The following PSMA1 variants were observed in gnomAD, a reference collection of about 807,000 sequenced individuals.
PSMA1 encodes the protein proteasome 20S subunit alpha 1.
In PSMA1, 3 loss-of-function variants were observed where a neutral mutation model predicts 38.4. That is an observed-to-expected ratio of 0.08 (90% CI 0.04 to 0.20). PSMA1 has a LOEUF of 0.20. Among genes scored for constraint, PSMA1 ranks in the 10% least tolerant of loss-of-function variants. PSMA1 has a pLI of 1.00. For missense variants in PSMA1, 227 were observed against 325.3 expected (o/e 0.70, Z 2.32); for synonymous variants, 101 against 107.1 (o/e 0.94, Z 0.35).
chr11:14,541,954 T>C (rs1456878519), intron 2 of PSMA1, among the ~76,000 whole-genome samples: 1 of 152,220 alleles, frequency 6.6e-6, no homozygotes, highest in East Asian at 1.9e-4. Flanking sequence ...ATTTCCACTG[T>C]GTAAGATTAG....
chr11:14,574,443 C>T (rs187350235), intron 2 of PSMA1, among the ~76,000 whole-genome samples: 74 of 152,280 alleles, frequency 4.9e-4, no homozygotes, highest in African/African-American at 1.6e-3. Flanking sequence ...TGCAGGTGCA[C>T]ATAGTGCAAG....
intron 2 of PSMA1, among the ~76,000 whole-genome samples, chr11:14,555,343 C>T (rs1851931502): frequency 8.5e-5 from 13 of 152,146 alleles, no homozygotes. Flanking sequence ...CTGACTTCAT[C>T]TTATTTTTTT....
chr11:14,599,218 G>C (rs1416006397), intron 2 of PSMA1, among the ~76,000 whole-genome samples: 1 of 152,128 alleles, frequency 6.6e-6, no homozygotes, highest in African/African-American at 2.4e-5. Context: ...TATGTGCCTT[G>C]GAGTTGCTCT....
upstream of PSMA1, chr11:14,520,515 A>C: frequency 7.1e-7 from 1 of 1,418,296 alleles, no homozygotes; most frequent in East Asian, 2.6e-5. Context: ...GCCTCGGAAG[A>C]TCTAGGAACT....
intron 2 of PSMA1, among the ~76,000 whole-genome samples, chr11:14,548,585 C>A (rs552763557): frequency 1.1e-4 from 16 of 152,268 alleles, no homozygotes; most frequent in Non-Finnish European, 1.9e-4. Flanking sequence ...CAGCTTGAAA[C>A]TGGCCATAGT....
chr11:14,634,687 C>A (rs1468948486), intron 1 of PSMA1, among the ~76,000 whole-genome samples: 1 of 152,022 alleles, frequency 6.6e-6, no homozygotes, highest in East Asian at 1.9e-4. Flanking sequence ...AGTAGTAGCT[C>A]ATGTTTTAGG....
chr11:14,514,540 A>G, intron 4 of PSMA1, 49 bp from the exon 5 acceptor site: 1 of 1,321,372 alleles, frequency 7.6e-7, no homozygotes, highest in Non-Finnish European at 1.0e-6. Flanking sequence ...ATAGACAACT[A>G]TTCCAATCTA....
At chr11:14,602,568 A>C (rs1325799586) in intron 2 of PSMA1, among the ~76,000 whole-genome samples, 1 of 152,080 alleles carries the variant, frequency 6.6e-6, no homozygotes. Flanking sequence ...ATGAAATTTG[A>C]CCTTTTTTTG....
intron 2 of PSMA1, among the ~76,000 whole-genome samples, chr11:14,582,225 TC>T (rs1208731305): frequency 1.3e-5 from 2 of 152,096 alleles, no homozygotes; most frequent in Non-Finnish European, 2.9e-5. Context: ...AGAAAATAAA[TC>T]CCAACAAATT....
In PSMA1 at chr11:14,533,801, G is replaced by A. The variant is rs944613309; in HGVS notation, c.22-14760C>T. Among the ~76,000 whole-genome samples, 5 of 152,112 alleles carry A rather than the reference G, an allele frequency of 3.3e-5. No individual in the cohort carries two copies. The East Asian group carries it at 9.7e-4, about 29-fold the overall frequency. On this transcript the variant is annotated intron_variant, in intron 2 of 10. Coordinates refer to the PSMA1 transcript ENST00000418988. ...AGAGCCTATGGTATTTCTGAGCAGT[G>A]TTTGCTTTTTGCCTTACAAAAATCT...
chr11:14,531,840 T>A (rs943564258), intron 2 of PSMA1, among the ~76,000 whole-genome samples: 1 of 152,196 alleles, frequency 6.6e-6, no homozygotes, highest in African/African-American at 2.4e-5. Flanking sequence ...CCTTCCTCTC[T>A]AGCTCCTGGT....
chr11:14,564,852 C>T (rs1413595220), intron 2 of PSMA1, among the ~76,000 whole-genome samples: 1 of 151,462 alleles, frequency 6.6e-6, no homozygotes, highest in Non-Finnish European at 1.5e-5. Flanking sequence ...AATCACAGCT[C>T]ACTGCAGTTC....
intron 2 of PSMA1, among the ~76,000 whole-genome samples, chr11:14,574,284 T>C (rs779819054): frequency 4.0e-5 from 6 of 151,762 alleles, no homozygotes; most frequent in Non-Finnish European, 8.8e-5. Flanking sequence ...GAGGGAAAAA[T>C]GATTTTGTGG....
intron 2 of PSMA1, among the ~76,000 whole-genome samples, chr11:14,597,977 T>A (rs1852523099): frequency 6.6e-6 from 1 of 152,216 alleles, no homozygotes; most frequent in Admixed American, 6.5e-5. Context: ...TCAAAAAACA[T>A]CTTTATTTTT....
At chr11:14,544,313 C>T (rs929823460) in intron 2 of PSMA1, among the ~76,000 whole-genome samples, 15 of 152,210 alleles carry the variant, frequency 9.9e-5, no homozygotes, top group Admixed American at 3.9e-4. Context: ...GGATTACAGG[C>T]GTGAGCTACC....
At chr11:14,535,986 A>T (rs1851702264) in intron 2 of PSMA1, among the ~76,000 whole-genome samples, 1 of 152,056 alleles carries the variant, frequency 6.6e-6, no homozygotes, top group Non-Finnish European at 1.5e-5. Flanking sequence ...AAGAAACCAA[A>T]TATCTCTTTT....
chr11:14,608,938 T>A (rs1852676742), intron 2 of PSMA1, among the ~76,000 whole-genome samples: 1 of 152,090 alleles, frequency 6.6e-6, no homozygotes, highest in Non-Finnish European at 1.5e-5. Context: ...TTTAAAAAAA[T>A]TAAAGTACAA....
At chr11:14,575,077 G>A (rs549112359) in intron 2 of PSMA1, among the ~76,000 whole-genome samples, 2 of 152,184 alleles carry the variant, frequency 1.3e-5, no homozygotes, top group South Asian at 2.1e-4. Context: ...CCCAGGCTGC[G>A]GTGATCTCAG....
intron 1 of PSMA1, among the ~76,000 whole-genome samples, chr11:14,623,893 T>C (rs1365140179): frequency 1.3e-5 from 2 of 152,168 alleles, no homozygotes; most frequent in Non-Finnish European, 2.9e-5. Flanking sequence ...GGCCACTTGG[T>C]GGTAAGTCAA....
Sources: gnomAD v4.1 joint callset for allele counts (sites outside exome capture counted in the v4.1 genomes callset) on GRCh38, gnomAD v4.1.1 for gene constraint, MANE v1.5 for transcripts, NCBI Gene and HGNC (gene_info 2026-07-23, HGNC 2026-07-21) for gene names.